Variants in AEBP2 observed in about 807,000 individuals in gnomAD.
AEBP2 encodes AE binding protein 2, also known as zinc finger protein AEBP2.
Under a neutral mutation model 50.8 loss-of-function variants are expected in AEBP2, and 10 were observed. The observed-to-expected ratio is 0.20, with a 90% confidence interval of 0.12 to 0.33. The LOEUF is 0.33. Ranked by LOEUF, AEBP2 falls within the 10% of genes least tolerant of loss-of-function variation. AEBP2 has a pLI of 1.00. For missense variants in AEBP2, 570 were observed against 688.0 expected (o/e 0.83, Z 1.92); for synonymous variants, 296 against 261.3 (o/e 1.13, Z -1.28).
intron 3 of AEBP2, among the ~76,000 whole-genome samples, chr12:19,479,268 G>C (rs527858744): frequency 1.2e-4 from 19 of 152,238 alleles, no homozygotes; most frequent in South Asian, 2.1e-4. Flanking sequence ...TTGTTACAGG[G>C]TGTAGTTTAA....
rs143833394 is a variant in AEBP2 at position 19,488,174 on chromosome 12, A to G, written c.988-5626A>G. Among the ~76,000 whole-genome samples the G allele has an allele frequency of 5.7e-3, 857 of 150,582 alleles. 7 individuals carry two copies. The highest frequency in any genetic ancestry group is 0.02 in the African/African-American group (831 of 41,000). ...AGTTTTGTTCTGTTGCCCAGGCTAG[A>G]GTGCAGTGGTATAGTCTCAGCTCAC... On this transcript the variant is annotated intron_variant, in intron 3 of 7. Coordinates refer to ENST00000266508, the MANE Select transcript of AEBP2 (RefSeq NM_153207.5).
intron 1 of AEBP2, among the ~76,000 whole-genome samples, chr12:19,461,365 G>A (rs1010101737): frequency 6.6e-6 from 1 of 152,188 alleles, no homozygotes; most frequent in African/African-American, 2.4e-5. Flanking sequence ...TTATTAAGAT[G>A]TGAATTTTTG....
chr12:19,477,310 G>C (rs1433168718), intron 3 of AEBP2, among the ~76,000 whole-genome samples: 2 of 152,054 alleles, frequency 1.3e-5, no homozygotes, highest in Admixed American at 6.6e-5. Flanking sequence ...TTCTCTGATT[G>C]CTCTGGCTAG....
chr12:19,431,943 G>T (rs2095751646), intron 1 of AEBP2, among the ~76,000 whole-genome samples: 1 of 152,158 alleles, frequency 6.6e-6, no homozygotes, highest in Non-Finnish European at 1.5e-5. Context: ...CAATTTTAGA[G>T]AATTTTTCAG....
intron 3 of AEBP2, among the ~76,000 whole-genome samples, chr12:19,480,917 A>G (rs895919759): frequency 6.6e-6 from 1 of 152,052 alleles, no homozygotes; most frequent in African/African-American, 2.4e-5. Context: ...TTTCTCAGAA[A>G]CACCAGTTAT....
At chr12:19,425,816 G>T (rs571660726) in intron 1 of AEBP2, among the ~76,000 whole-genome samples, 1 of 151,692 alleles carries the variant, frequency 6.6e-6, no homozygotes, top group African/African-American at 2.4e-5. Flanking sequence ...GGTATTCAAG[G>T]TACGAGGGTT....
At chr12:19,478,069 C>T (rs1040159035) in intron 3 of AEBP2, among the ~76,000 whole-genome samples, 2 of 152,086 alleles carry the variant, frequency 1.3e-5, no homozygotes, top group South Asian at 4.1e-4. Context: ...ATTTAGATAT[C>T]GTTCTTCTTT....
intron 1 of AEBP2, among the ~76,000 whole-genome samples, chr12:19,459,761 TTAAC>T (rs1367276204): frequency 2.6e-4 from 39 of 152,168 alleles, no homozygotes; most frequent in African/African-American, 8.0e-4. Context: ...TTTATTGCAT[TTAAC>T]TAACTAGGTA....
At chr12:19,427,715 C>A (rs2095749283) in intron 1 of AEBP2, among the ~76,000 whole-genome samples, 1 of 151,828 alleles carries the variant, frequency 6.6e-6, no homozygotes, top group South Asian at 2.1e-4. Flanking sequence ...TTTAGAACAC[C>A]TAAGAGTCTG....
At chr12:19,449,635 G>T (rs974118265) in intron 1 of AEBP2, among the ~76,000 whole-genome samples, 1 of 152,276 alleles carries the variant, frequency 6.6e-6, no homozygotes, top group South Asian at 2.1e-4. Flanking sequence ...AGAAATAATT[G>T]TGGGGATAGA....
intron 4 of AEBP2, among the ~76,000 whole-genome samples, chr12:19,496,769 C>G (rs1220513621): frequency 6.6e-6 from 1 of 150,560 alleles, no homozygotes; most frequent in African/African-American, 2.4e-5. Context: ...TCAGGTGATT[C>G]TCCCACCTCA....
intron 1 of AEBP2, among the ~76,000 whole-genome samples, chr12:19,446,945 CAA>C: frequency 6.6e-6 from 1 of 151,538 alleles, no homozygotes; most frequent in South Asian, 2.1e-4. Flanking sequence ...AACAAAAAAA[CAA>C]AAAAATTAGA....
chr12:19,448,661 A>C (rs1296838714), intron 1 of AEBP2, among the ~76,000 whole-genome samples: 1 of 152,170 alleles, frequency 6.6e-6, no homozygotes, highest in Non-Finnish European at 1.5e-5. Context: ...TGATTAAAGA[A>C]AAAGAGAACA....
intron 3 of AEBP2, among the ~76,000 whole-genome samples, chr12:19,479,717 G>GTTTTTCTTTTTTTTTTTTTTTT (rs1948698116): frequency 4.5e-5 from 1 of 22,314 alleles, no homozygotes; most frequent in Non-Finnish European, 9.0e-5. Flanking sequence ...CTCTTTGTGG[G>GTTTTTCTTTTTTTTTTTTTTTT]TTTTTTTTTT....
intron 1 of AEBP2, among the ~76,000 whole-genome samples, chr12:19,446,478 C>G (rs1397695473): frequency 6.6e-6 from 1 of 152,078 alleles, no homozygotes; most frequent in Non-Finnish European, 1.5e-5. Flanking sequence ...GCCTGTAATC[C>G]CAGCACTTTT....
intron 1 of AEBP2, 161 bp downstream of exon 1, chr12:19,440,531 GC>G (rs1947935361): frequency 8.8e-6 from 12 of 1,360,240 alleles, no homozygotes; most frequent in Non-Finnish European, 1.1e-5. Context: ...TCGCCGCCGC[GC>G]CCCTCTCGCA....
chr12:19,433,432 C>T (rs571599439), intron 1 of AEBP2, among the ~76,000 whole-genome samples: 37 of 151,986 alleles, frequency 2.4e-4, no homozygotes, highest in African/African-American at 6.7e-4. Flanking sequence ...TTGTAAAATA[C>T]AGTAAAAATG....
At chr12:19,475,562 GTCAT>G (rs1305214969) in intron 3 of AEBP2, among the ~76,000 whole-genome samples, 2 of 152,060 alleles carry the variant, frequency 1.3e-5, no homozygotes, top group Non-Finnish European at 2.9e-5. Flanking sequence ...TTTCCCAGTA[GTCAT>G]TCATATAATG....
chr12:19,504,646 T>G (rs1165141374), intron 5 of AEBP2, among the ~76,000 whole-genome samples: 1 of 152,116 alleles, frequency 6.6e-6, no homozygotes. Flanking sequence ...ATATGTGTGA[T>G]ACTACAGGGA....
Sources: allele counts gnomAD v4.1 joint callset (sites outside exome capture counted in the v4.1 genomes callset), GRCh38; gene constraint gnomAD v4.1.1; transcripts MANE v1.5; gene names NCBI Gene and HGNC (gene_info 2026-07-23, HGNC 2026-07-21).